TACC2: variants seen among roughly 807,000 people sequenced by gnomAD.
TACC2 encodes the protein transforming acidic coiled-coil containing protein 2.
A neutral mutation model predicts 227.3 loss-of-function variants in TACC2; 137 were observed. The observed-to-expected ratio is 0.60, with a 90% CI of 0.52 to 0.69. The LOEUF (loss-of-function observed/expected upper bound fraction) is 0.69, where lower values mean the gene tolerates loss of function less well. Ranked by LOEUF, TACC2 falls within the 30% of genes least tolerant of loss-of-function variation. The pLI, the probability that TACC2 is intolerant of heterozygous loss-of-function variation, is 0.00. For missense variants in TACC2, 3,470 were observed against 3,694.4 expected (o/e 0.94, Z 1.57); for synonymous variants, 1,523 against 1,487.5 (o/e 1.02, Z -0.55).
Position 122,249,613 on chromosome 10 carries a change from G to A in TACC2, c.8730G>A (p.Leu2910=). 1 of 1,613,960 alleles carries A rather than the reference G, an allele frequency of 6.2e-7. No homozygotes were observed. The highest frequency in any genetic ancestry group is 1.3e-5 in the African/African-American group (1 of 75,010). Residue 2910 remains leucine (L), a synonymous_variant, in exon 22 of 23, where the codon CTG becomes CTA. Transcript: ENST00000369005. The part of the protein sequence containing the change: ...QQEQAAHQAS[L]RKEQLRVDAL... ...AGCAAGCCGCCCACCAGGCCAGCCT[G>A]CGGAAGGAGCAGCTGCGAGTGGACG...
intron 6 of TACC2, among the ~76,000 whole-genome samples, chr10:122,139,482 C>T (rs938225287): frequency 6.6e-6 from 1 of 152,194 alleles, no homozygotes; most frequent in East Asian, 1.9e-4. Flanking sequence ...CAGTGGCTGC[C>T]TCTGAGAGAC....
At position 122,041,464 on chromosome 10, in the gene TACC2, C is replaced by T. The variant is rs187209917; in HGVS notation, c.34-8974C>T. ...TTCTTTTTTTTTTTTTTTCTCGTAA[C>T]GAGACAGAGTCCTGCTTTGTCACCC... On this transcript the variant is annotated intron_variant, in intron 2 of 22. Coordinates refer to ENST00000369005, the MANE Select transcript of TACC2 (RefSeq NM_206862.4). Among the ~76,000 whole-genome samples the T allele has an allele frequency of 7.1e-3, 666 of 93,958 alleles. 7 individuals are homozygous for T. The highest frequency in any genetic ancestry group is 0.01 in the Non-Finnish European group (439 of 42,538). 61.6% of individuals were successfully genotyped at this position (93,958 alleles called of 152,430 possible).
At chr10:122,065,103 T>C (rs2077242934) in intron 3 of TACC2, among the ~76,000 whole-genome samples, 1 of 152,224 alleles carries the variant, frequency 6.6e-6, no homozygotes, top group South Asian at 2.1e-4. Flanking sequence ...ATTTTTTTAT[T>C]GTGGTAAAGG....
At chr10:122,196,394 C>A (rs909744124) in intron 8 of TACC2, among the ~76,000 whole-genome samples, 1 of 152,122 alleles carries the variant, frequency 6.6e-6, no homozygotes, top group Non-Finnish European at 1.5e-5. Context: ...CCATGTCCCC[C>A]GTCTTTGACG....
At chr10:122,021,846 C>T in intron 1 of TACC2, 91 bp from the exon 2 acceptor site, 2 of 713,954 alleles carry the variant, frequency 2.8e-6, no homozygotes, top group Non-Finnish European at 4.9e-6. Context: ...TTCCCATCAT[C>T]TGGCTTTTGA....
chr10:122,017,111 T>C (rs2135447277), intron 1 of TACC2, among the ~76,000 whole-genome samples: 1 of 152,116 alleles, frequency 6.6e-6, no homozygotes, highest in East Asian at 1.9e-4. Context: ...TCTGTGGTGG[T>C]GTTACAGCAG....
intron 5 of TACC2, among the ~76,000 whole-genome samples, chr10:122,112,454 C>T (rs1188109899): frequency 6.6e-6 from 1 of 152,224 alleles, no homozygotes; most frequent in East Asian, 1.9e-4. Flanking sequence ...TCAAGTTTTG[C>T]AAACTGTCCA....
intron 11 of TACC2, among the ~76,000 whole-genome samples, chr10:122,217,548 C>T (rs1168733611): frequency 6.7e-6 from 1 of 149,342 alleles, no homozygotes; most frequent in African/African-American, 2.5e-5. Flanking sequence ...AAGCGATTCT[C>T]CTGCCTCAGC....
intron 3 of TACC2, among the ~76,000 whole-genome samples, chr10:122,071,747 C>T (rs545298879): frequency 1.7e-4 from 25 of 144,752 alleles, no homozygotes; most frequent in South Asian, 9.0e-4. Context: ...GTGATCTGGG[C>T]GTGGTGACGG....
intron 1 of TACC2, among the ~76,000 whole-genome samples, chr10:122,004,965 C>A (rs181211723): frequency 2.6e-5 from 4 of 152,124 alleles, no homozygotes; most frequent in Non-Finnish European, 4.4e-5. Flanking sequence ...TAATCCTCAT[C>A]CTCAGTGCTT....
rs141312062 is a variant in TACC2 at position 122,215,423 on chromosome 10, G to T, written c.7316G>T (p.Arg2439Leu). ...TTTAGGGTGAAAAAGTCGCCAAAAC[G>T]GTCTCCTCTCTCTGATCCACCTTCC... ...DTFRVKKSPK[R>L]SPLSDPPSQD... is the part of the protein sequence containing the mutation. The change falls in exon 10 of 23, where the codon CGG becomes CTG. Residue 2439 changes from arginine (R) to leucine (L), a missense_variant. Physicochemically the swap from Arg to Leu is moderately radical, Grantham distance 102. This residue lies in a region of TACC2 where 593 missense variants were observed against 636.6 expected (regional missense o/e 0.93). Coordinates refer to ENST00000369005, the MANE Select transcript of TACC2 (RefSeq NM_206862.4). 6.2e-7 allele frequency: 1 copy of T among 1,613,844 alleles called. No homozygotes were observed. The highest frequency in any genetic ancestry group is 1.3e-5 in the African/African-American group (1 of 74,902).
intron 6 of TACC2, among the ~76,000 whole-genome samples, chr10:122,136,811 C>T (rs2089761514): frequency 6.6e-6 from 1 of 151,982 alleles, no homozygotes; most frequent in Non-Finnish European, 1.5e-5. Context: ...GCCTTGGCCT[C>T]CCAAAGTGCT....
At chr10:122,218,572 T>C (rs2095459280) in intron 11 of TACC2, among the ~76,000 whole-genome samples, 1 of 152,228 alleles carries the variant, frequency 6.6e-6, no homozygotes, top group Non-Finnish European at 1.5e-5. Flanking sequence ...ATCTTCTCCC[T>C]ACCCAAAACT....
At chr10:122,009,857 C>T (rs1002423421) in intron 1 of TACC2, among the ~76,000 whole-genome samples, 1 of 152,054 alleles carries the variant, frequency 6.6e-6, no homozygotes, top group South Asian at 2.1e-4. Context: ...ACCTAGGAGG[C>T]GGAGGTTGCA....
intron 2 of TACC2, among the ~76,000 whole-genome samples, chr10:122,028,518 G>T (rs1051812992): frequency 1.3e-5 from 2 of 152,078 alleles, no homozygotes; most frequent in Admixed American, 6.5e-5. Context: ...TTTTAAATTT[G>T]CTATTCATGT....
chr10:122,156,384 C>T (rs61354238), intron 7 of TACC2, among the ~76,000 whole-genome samples: 316 of 151,182 alleles, frequency 2.1e-3, no homozygotes, highest in African/African-American at 7.0e-3. Context: ...CCACCATGCC[C>T]GGCTAATTTT....
At chr10:122,119,171 C>A (rs2085261351) in intron 5 of TACC2, among the ~76,000 whole-genome samples, 1 of 152,164 alleles carries the variant, frequency 6.6e-6, no homozygotes, top group African/African-American at 2.4e-5. Context: ...CACTATTAGA[C>A]TTTCTATTTC....
chr10:122,006,230 C>T (rs1955113783), intron 1 of TACC2, among the ~76,000 whole-genome samples: 2 of 151,752 alleles, frequency 1.3e-5, no homozygotes, highest in Admixed American at 6.6e-5. Context: ...GGGTGGATCA[C>T]GAGGTCAGGA....
At chr10:122,246,652 C>T (rs2096126852) in intron 19 of TACC2, 1 of 152,256 alleles carries the variant, frequency 6.6e-6, no homozygotes, top group African/African-American at 2.4e-5. Context: ...TTGTGATGCT[C>T]TAAGTTGTTC....
Sources: gnomAD v4.1 joint callset for allele counts (sites outside exome capture counted in the v4.1 genomes callset) on GRCh38, gnomAD v4.1.1 for gene constraint, gnomAD v4.1.1 regional missense constraint, MANE v1.5 for transcripts, NCBI Gene and HGNC (gene_info 2026-07-23, HGNC 2026-07-21) for gene names.